The following VTI1A variants were observed in gnomAD, a reference collection of about 807,000 sequenced individuals.
VTI1A encodes the protein vesicle transport through interaction with t-SNAREs homolog 1A.
In VTI1A, 22 loss-of-function variants were observed where a neutral mutation model predicts 34.9. That is an observed-to-expected ratio of 0.63 (90% CI 0.45 to 0.90). The LOEUF is 0.90. VTI1A is among the 40% of genes least tolerant of loss of function. VTI1A has a pLI of 0.00. For missense variants in VTI1A, 268 were observed against 275.6 expected (o/e 0.97, Z 0.20); for synonymous variants, 87 against 97.3 (o/e 0.89, Z 0.62).
At chr10:112,667,557 G>A (rs1437406868) in intron 5 of VTI1A, among the ~76,000 whole-genome samples, 1 of 152,156 alleles carries the variant, frequency 6.6e-6, no homozygotes, top group East Asian at 1.9e-4. Context: ...AACAGTATAA[G>A]GGTTTCAAAG....
chr10:112,514,004 C>G (rs1282827958), intron 3 of VTI1A, among the ~76,000 whole-genome samples: 1 of 151,710 alleles, frequency 6.6e-6, no homozygotes, highest in African/African-American at 2.4e-5. Context: ...GCTTTAATAT[C>G]AGGATAATGC....
chr10:112,617,897 G>C (rs1845565556), intron 5 of VTI1A, among the ~76,000 whole-genome samples: 1 of 152,160 alleles, frequency 6.6e-6, no homozygotes, highest in African/African-American at 2.4e-5. Flanking sequence ...GCTCACTCCT[G>C]TAATCCCAGC....
intron 5 of VTI1A, among the ~76,000 whole-genome samples, chr10:112,556,639 T>C (rs1851553385): frequency 6.6e-6 from 1 of 152,008 alleles, no homozygotes; most frequent in African/African-American, 2.4e-5. Context: ...ATTGTAAAAA[T>C]GAAGCTATTT....
chr10:112,489,838 G>A (rs1848761403), intron 3 of VTI1A, among the ~76,000 whole-genome samples: 1 of 152,164 alleles, frequency 6.6e-6, no homozygotes, highest in African/African-American at 2.4e-5. Flanking sequence ...TACTACAAGA[G>A]CTTGTAGAAT....
At chr10:112,458,760 G>C (rs192413093) in intron 1 of VTI1A, among the ~76,000 whole-genome samples, 1 of 151,458 alleles carries the variant, frequency 6.6e-6, no homozygotes, top group Non-Finnish European at 1.5e-5. Flanking sequence ...TCTACCTCCC[G>C]GGTTCAAGCA....
At chr10:112,853,614 A>ACCT in the VTI1A span, among the ~76,000 whole-genome samples, 3 of 152,088 alleles carry the variant, frequency 2.0e-5, no homozygotes, top group South Asian at 6.2e-4. Context: ...GTCTCCTGAG[A>ACCT]CCTCGTGTTG....
At chr10:112,814,542 C>T (rs1349511383) in intron 7 of VTI1A, among the ~76,000 whole-genome samples, 2 of 152,206 alleles carry the variant, frequency 1.3e-5, no homozygotes, top group Non-Finnish European at 2.9e-5. Flanking sequence ...TGTCTCCACT[C>T]TGGTCCCCCT....
intron 7 of VTI1A, among the ~76,000 whole-genome samples, chr10:112,804,000 T>C (rs544524047): frequency 5.5e-4 from 83 of 152,198 alleles, no homozygotes; most frequent in Non-Finnish European, 1.0e-3. Context: ...GTCAAGTCCA[T>C]ATTTAAGAAT....
intron 1 of VTI1A, among the ~76,000 whole-genome samples, chr10:112,452,395 C>T (rs1404102004): frequency 6.6e-6 from 1 of 152,038 alleles, no homozygotes; most frequent in Non-Finnish European, 1.5e-5. Context: ...TGGAGAAACC[C>T]CGTCTCTACT....
At position 112,482,292 on chromosome 10, in the gene VTI1A, A is replaced by C. The variant is rs367737565; in HGVS notation, c.264+17635A>C. On this transcript the variant is annotated intron_variant, in intron 3 of 7. Coordinates refer to ENST00000393077, the MANE Select transcript of VTI1A (RefSeq NM_145206.4). Reference sequence around the variant, plus strand: ...GAGGTTGTCCTTATGAAAGTGTGTAATTTCAAAATGTTTTCATCATATAAA... The same window carrying C: ...GAGGTTGTCCTTATGAAAGTGTGTACTTTCAAAATGTTTTCATCATATAAA... Among the ~76,000 whole-genome samples, 21 of 152,240 alleles carry C rather than the reference A, an allele frequency of 1.4e-4. No homozygotes were observed. In the East Asian group the frequency reaches 3.5e-3, roughly 25 times the overall value.
chr10:112,605,149 A>G (rs903778826), intron 5 of VTI1A, among the ~76,000 whole-genome samples: 2 of 152,240 alleles, frequency 1.3e-5, no homozygotes, highest in South Asian at 4.2e-4. Flanking sequence ...ACTCGGCTCA[A>G]TCTCCACAGG....
chr10:112,853,110 C>T, the VTI1A span, among the ~76,000 whole-genome samples: 1 of 152,176 alleles, frequency 6.6e-6, no homozygotes, highest in Non-Finnish European at 1.5e-5. Context: ...GTGCCATGTT[C>T]TCCTTGTCCA....
intron 4 of VTI1A, among the ~76,000 whole-genome samples, chr10:112,531,106 TGCGCACGTGCGCGCGCGC>T (rs1320675332): frequency 1.0e-3 from 50 of 47,718 alleles, no homozygotes; most frequent in African/African-American, 3.1e-3. Flanking sequence ...CACACACACG[TGCGCACGTGCGCGCGCGC>T]GCATGAACCC....
At chr10:112,447,505 G>A (rs772521819) in intron 1 of VTI1A, 38 bp downstream of exon 1, 1 of 1,605,748 alleles carries the variant, frequency 6.2e-7, no homozygotes, top group South Asian at 1.1e-5. Flanking sequence ...GTGCTGGGGA[G>A]AGCTGGGAGG....
intron 7 of VTI1A, among the ~76,000 whole-genome samples, chr10:112,770,418 C>T (rs1331672045): frequency 2.7e-5 from 4 of 149,148 alleles, no homozygotes; most frequent in South Asian, 2.1e-4. Flanking sequence ...TTTTTTGAGA[C>T]GGAGTCTTGC....
chr10:112,584,843 C>G (rs1320515364), intron 5 of VTI1A, among the ~76,000 whole-genome samples: 1 of 152,176 alleles, frequency 6.6e-6, no homozygotes, highest in Non-Finnish European at 1.5e-5. Context: ...TTCACATTCT[C>G]TCTATGGAGA....
the VTI1A span, among the ~76,000 whole-genome samples, chr10:112,849,052 A>G: frequency 1.3e-5 from 2 of 152,196 alleles, no homozygotes; most frequent in East Asian, 1.9e-4. Context: ...CCCATGACCA[A>G]CTTTGGAGGT....
At chr10:112,606,816 T>A (rs1338816278) in intron 5 of VTI1A, among the ~76,000 whole-genome samples, 1 of 152,232 alleles carries the variant, frequency 6.6e-6, no homozygotes, top group Non-Finnish European at 1.5e-5. Context: ...GCTATTAAAA[T>A]GAAATACTAG....
rs148767341 is a variant in VTI1A at position 112,460,572 on chromosome 10, C to T, written c.143C>T (p.Ala48Val). Residue 48 changes from alanine (A) to valine (V), a missense_variant, in exon 2 of 8, where the codon GCG (alanine) becomes GTG (valine). By Grantham distance (64) the Ala-to-Val change is moderately conservative. Transcript: ENST00000393077. Reference protein sequence around the residue: ...VANVEKQLEEAKELLEQMDLE... With the variant: ...VANVEKQLEEVKELLEQMDLE... Reference sequence around the variant, plus strand: ...AATGTGGAGAAACAGCTTGAAGAAGCGAAAGAACTGGTATGTACAGACAGT... The same window carrying T: ...AATGTGGAGAAACAGCTTGAAGAAGTGAAAGAACTGGTATGTACAGACAGT... The T allele has an allele frequency of 4.5e-5, 73 of 1,608,140 alleles. No homozygotes were observed. In the East Asian group the frequency reaches 7.2e-4, roughly 16 times the overall value.
Sources: allele counts gnomAD v4.1 joint callset (sites outside exome capture counted in the v4.1 genomes callset), GRCh38; gene constraint gnomAD v4.1.1; transcripts MANE v1.5; gene names NCBI Gene and HGNC (gene_info 2026-07-23, HGNC 2026-07-21).